The following MTMR7 variants were observed in gnomAD, a reference collection of about 807,000 sequenced individuals.
MTMR7 encodes the protein phosphatidylinositol-3-phosphate phosphatase MTMR7.
Under a neutral mutation model 81.2 loss-of-function variants are expected in MTMR7, and 76 were observed. That is an observed-to-expected ratio of 0.94 (90% CI 0.78 to 1.13). The LOEUF (loss-of-function observed/expected upper bound fraction) is 1.13. Among genes scored for constraint, MTMR7 ranks in the 50% most tolerant of loss-of-function variants. MTMR7 has a pLI of 0.00. For synonymous variants in MTMR7, 372 were observed against 289.8 expected (o/e 1.28, Z -2.88); for missense variants, 1,044 against 820.0 (o/e 1.27, Z -3.34).
intron 1 of MTMR7, among the ~76,000 whole-genome samples, chr8:17,403,632 G>C (rs181656787): frequency 1.3e-5 from 2 of 151,912 alleles, no homozygotes; most frequent in Admixed American, 6.6e-5. Flanking sequence ...ATTTTGATAA[G>C]GATTGTAAAT....
At chr8:17,371,608 T>C (rs1820422292) in intron 2 of MTMR7, among the ~76,000 whole-genome samples, 1 of 152,160 alleles carries the variant, frequency 6.6e-6, no homozygotes, top group African/African-American at 2.4e-5. Context: ...GCCACCATGC[T>C]CCTTAATTCC....
intron 5 of MTMR7, among the ~76,000 whole-genome samples, chr8:17,342,515 A>T (rs1246867588): frequency 2.6e-5 from 4 of 152,160 alleles, no homozygotes; most frequent in Non-Finnish European, 5.9e-5. Context: ...CTCTTAGTCC[A>T]ACCATAGCTT....
At chr8:17,316,824 A>T (rs1818110132) in intron 7 of MTMR7, among the ~76,000 whole-genome samples, 1 of 152,126 alleles carries the variant, frequency 6.6e-6, no homozygotes, top group Admixed American at 6.5e-5. Flanking sequence ...GTTATTATGT[A>T]AGGGACTTCT....
rs1188077357 is a variant in MTMR7, at chr8:17,373,119, C to A, written c.146G>T (p.Trp49Leu). The change falls in exon 2 of 14, where the codon TGG becomes TTG. Residue 49 changes from tryptophan to leucine, a missense_variant and splice_region_variant. Trp to Leu is a moderately conservative substitution (Grantham distance 61). Transcript: ENST00000180173. ...AAGCTAAAAATAAAGAAAGCATACC[C>A]ATGTTTCTTTTCTTGGGTCAGGTGA... ...ENSPDPRKET[W>L]ILHSQISTIE... The A allele has an allele frequency of 6.2e-7, 1 of 1,613,004 alleles. No individual in the cohort carries two copies. The highest frequency in any genetic ancestry group is 8.5e-7 in the Non-Finnish European group (1 of 1,179,658).
intron 7 of MTMR7, among the ~76,000 whole-genome samples, chr8:17,328,238 C>T (rs1052993284): frequency 2.6e-5 from 4 of 151,974 alleles, no homozygotes; most frequent in Non-Finnish European, 5.9e-5. Flanking sequence ...TGAAGGGTGT[C>T]CCAGTGGGGC....
In MTMR7 at chr8:17,298,897, A is replaced by C. The variant is rs1425298381; in HGVS notation, c.*965T>G. On this transcript the variant is annotated 3_prime_UTR_variant, in exon 14 of 14. Coordinates refer to ENST00000180173, the MANE Select transcript of MTMR7 (RefSeq NM_004686.5). ...GTTAATTAAACCATATTAGCCAGTT[A>C]CATAATTTCTAAAATGATAGATTAC... The C allele has an allele frequency of 6.6e-6, 1 of 152,226 alleles. No individual in the cohort carries two copies. The highest frequency in any genetic ancestry group is 1.5e-5 in the Non-Finnish European group (1 of 68,014). The allele number at this position is 152,226 out of a possible 1,614,324, so 9.4% of individuals were successfully genotyped here. A position where few individuals can be genotyped will look rare whatever the true frequency, so the allele number is the denominator to read the frequency against.
intron 9 of MTMR7, among the ~76,000 whole-genome samples, chr8:17,310,526 T>G (rs1817728025): frequency 6.6e-6 from 1 of 152,118 alleles, no homozygotes. Context: ...GGGCAGTGTG[T>G]GACTGGCAAC....
At chr8:17,307,804 A>G (rs887641794) in intron 10 of MTMR7, among the ~76,000 whole-genome samples, 1 of 151,526 alleles carries the variant, frequency 6.6e-6, no homozygotes, top group African/African-American at 2.4e-5. Context: ...ACCAAACACC[A>G]CATGTTCTCA....
chr8:17,373,503 C>T (rs1820482817), intron 1 of MTMR7, among the ~76,000 whole-genome samples: 1 of 148,780 alleles, frequency 6.7e-6, no homozygotes, highest in Non-Finnish European at 1.5e-5. Flanking sequence ...AGAATACCCT[C>T]TCTGGGTTTT....
intron 1 of MTMR7, among the ~76,000 whole-genome samples, chr8:17,388,677 C>G (rs2150576388): frequency 6.6e-6 from 1 of 152,298 alleles, no homozygotes; most frequent in East Asian, 1.9e-4. Context: ...AATATTTTTC[C>G]AAGGGCAAGT....
chr8:17,352,443 A>G (rs914203838), intron 4 of MTMR7, among the ~76,000 whole-genome samples: 7 of 152,236 alleles, frequency 4.6e-5, no homozygotes, highest in African/African-American at 1.4e-4. Context: ...ATATAAAAAA[A>G]TTAACTCAAA....
chr8:17,331,982 TGAA>T (rs1475709839), intron 6 of MTMR7, among the ~76,000 whole-genome samples: 2 of 152,212 alleles, frequency 1.3e-5, no homozygotes, highest in African/African-American at 4.8e-5. Context: ...CAGTGGTATC[TGAA>T]GAAGTTTATT....
chr8:17,305,647 G>GT lies in MTMR7; in HGVS notation c.1352+109dup, dbSNP rs1407091090. On this transcript the variant is annotated intron_variant, in intron 11 of 13. Transcript: ENST00000180173. ...AAATAAAACTAATCTGTCAGTATAG[G>GT]TATGTGACTAAATGAAAAAAGTCTT... The GT allele has an allele frequency of 3.5e-6, 3 of 853,466 alleles. No homozygotes were observed. The African/African-American group carries it at 5.1e-5, about 15-fold the overall frequency. The allele number at this position is 853,466 out of a possible 1,614,324, so 52.9% of individuals were successfully genotyped here.
intron 1 of MTMR7, among the ~76,000 whole-genome samples, chr8:17,375,298 G>A (rs767712836): frequency 6.6e-6 from 1 of 151,994 alleles, no homozygotes; most frequent in Non-Finnish European, 1.5e-5. Flanking sequence ...GCTCTAGAGG[G>A]TCCCATCTCA....
At chr8:17,322,401 A>G (rs962924683) in intron 7 of MTMR7, among the ~76,000 whole-genome samples, 3 of 152,230 alleles carry the variant, frequency 2.0e-5, no homozygotes, top group Non-Finnish European at 4.4e-5. Flanking sequence ...GTATATATGA[A>G]TGTGAATTTT....
chr8:17,407,892 A>G (rs1394137384), intron 1 of MTMR7, among the ~76,000 whole-genome samples: 1 of 152,216 alleles, frequency 6.6e-6, no homozygotes, highest in Non-Finnish European at 1.5e-5. Flanking sequence ...GTGAATGATC[A>G]AGAGAAGGCA....
intron 3 of MTMR7, among the ~76,000 whole-genome samples, chr8:17,364,322 C>T (rs1426330284): frequency 2.6e-5 from 4 of 152,134 alleles, no homozygotes; most frequent in African/African-American, 4.8e-5. Context: ...CGTGAGCCAC[C>T]GCGCCCGGTC....
intron 7 of MTMR7, among the ~76,000 whole-genome samples, chr8:17,320,683 C>T (rs1026527152): frequency 7.2e-5 from 11 of 152,218 alleles, no homozygotes; most frequent in African/African-American, 2.4e-4. Flanking sequence ...TAAAACTGAG[C>T]AAGCTCGGCC....
intron 3 of MTMR7, among the ~76,000 whole-genome samples, chr8:17,370,271 C>A (rs192304376): frequency 4.6e-5 from 7 of 151,884 alleles, no homozygotes. Flanking sequence ...CTCCTGTAAT[C>A]CGAGCACTTG....
Sources: allele counts gnomAD v4.1 joint callset (sites outside exome capture counted in the v4.1 genomes callset), GRCh38; gene constraint gnomAD v4.1.1; transcripts MANE v1.5; gene names NCBI Gene and HGNC (gene_info 2026-07-23, HGNC 2026-07-21).